RAD17: variants seen among roughly 807,000 people sequenced by gnomAD.
The protein encoded by RAD17 is cell cycle checkpoint protein RAD17.
In RAD17, 31 loss-of-function variants were observed where a neutral mutation model predicts 81.5. The ratio of observed to expected loss-of-function variants is 0.38; its 90% CI spans 0.29 to 0.51. RAD17 has a LOEUF of 0.51. Ranked by LOEUF, RAD17 falls within the 20% of genes least tolerant of loss-of-function variation. The pLI is 0.88. For synonymous variants in RAD17, 261 were observed against 266.2 expected, an observed-to-expected ratio of 0.98 and a Z score of 0.19; for missense variants, 681 against 781.2, an observed-to-expected ratio of 0.87 and a Z score of 1.53.
At chr5:69,387,286 T>C (rs751036799) in intron 11 of RAD17, among the ~76,000 whole-genome samples, 2 of 151,968 alleles carry the variant, frequency 1.3e-5, no homozygotes, top group Non-Finnish European at 1.5e-5. Flanking sequence ...TAAAAAAAAA[T>C]TGATGGACCT....
Position 69,414,315 on chromosome 5 carries a change from G to A in RAD17, c.*23G>A. 1 of 1,605,894 alleles carries A rather than the reference G, an allele frequency of 6.2e-7. No individual in the cohort carries two copies. ...TAGAAGCCAGCCTGCTAATCAGATT[G>A]CTACTTCACAGCTTCATTTTTGTTT... On this transcript the variant is annotated 3_prime_UTR_variant, in exon 19 of 19. Coordinates refer to ENST00000354868, the MANE Select transcript of RAD17 (RefSeq NM_133338.3).
intron 17 of RAD17, among the ~76,000 whole-genome samples, chr5:69,406,260 A>C (rs902504491): frequency 6.6e-6 from 1 of 152,140 alleles, no homozygotes; most frequent in African/African-American, 2.4e-5. Flanking sequence ...AACCTGGAAG[A>C]CCTTATTTGA....
At chr5:69,369,344 G>T, upstream of RAD17, 1 of 1,110,318 alleles carries the variant, frequency 9.0e-7, no homozygotes, top group Non-Finnish European at 1.2e-6. Flanking sequence ...ACCGCCTCGT[G>T]GCCCTCGGCC....
chr5:69,376,903 G>C (rs568601814), intron 6 of RAD17, among the ~76,000 whole-genome samples: 31 of 152,094 alleles, frequency 2.0e-4, no homozygotes, highest in African/African-American at 7.2e-4. Flanking sequence ...ACAGGCATGC[G>C]CCACCACACG....
intron 6 of RAD17, among the ~76,000 whole-genome samples, chr5:69,380,887 T>A (rs1280910715): frequency 6.6e-6 from 1 of 151,642 alleles, no homozygotes; most frequent in African/African-American, 2.4e-5. Context: ...CACCTCAGCC[T>A]CCTGACCAGC....
intron 4 of RAD17, 105 bp downstream of exon 4, chr5:69,372,322 CGTAAA>C: frequency 9.1e-7 from 1 of 1,095,220 alleles, no homozygotes; most frequent in African/African-American, 1.6e-5. Context: ...ACTTAGCATT[CGTAAA>C]GTATTTATAA....
chr5:69,402,529 C>T (rs1048372183), intron 17 of RAD17, among the ~76,000 whole-genome samples: 24 of 151,994 alleles, frequency 1.6e-4, no homozygotes, highest in African/African-American at 5.5e-4. Context: ...GTGGCAGGTG[C>T]CTGTAGTCCC....
upstream of RAD17, chr5:69,369,582 CGGCCCCAAA>C (rs1322609339): frequency 1.2e-6 from 2 of 1,602,688 alleles, no homozygotes; most frequent in Non-Finnish European, 1.7e-6. Flanking sequence ...CAAAAGCCCA[CGGCCCCAAA>C]GGCCCCGAAG....
chr5:69,391,884 G>T lies in RAD17; in HGVS notation c.1060G>T (p.Val354Leu). The change falls in exon 13 of 19, where the codon GTG (valine) becomes TTG (leucine). Residue 354 changes from valine to leucine, a missense_variant. Transcript: ENST00000354868. ...KKGMSLKSDA[V>L]LSKSKRRKKP... ...AGGAATGTCTTTAAAATCAGATGCT[G>T]TGCTGTCAAAATCAAAACGAAGAAA... The T allele has an allele frequency of 6.3e-7, 1 of 1,594,360 alleles. No individual in the cohort carries two copies. The highest frequency in any genetic ancestry group is 8.5e-7 in the Non-Finnish European group (1 of 1,173,724).
upstream of RAD17, chr5:69,369,795 G>T: frequency 7.7e-7 from 1 of 1,301,988 alleles, no homozygotes; most frequent in Non-Finnish European, 1.1e-6. Context: ...GCGCCGACCA[G>T]TCTGGAAGGT....
At chr5:69,396,619 G>T in intron 16 of RAD17, 73 bp downstream of exon 16, 1 of 1,336,098 alleles carries the variant, frequency 7.5e-7, no homozygotes, top group Non-Finnish European at 9.8e-7. Context: ...ACTCAAAGCA[G>T]TTATTTTCTT....
intron 18 of RAD17, among the ~76,000 whole-genome samples, chr5:69,411,576 A>T (rs1316732006): frequency 6.6e-6 from 1 of 152,086 alleles, no homozygotes; most frequent in Non-Finnish European, 1.5e-5. Context: ...AGATTCATTA[A>T]GGCCTTTGTA....
intron 6 of RAD17, among the ~76,000 whole-genome samples, chr5:69,377,474 TACAC>T (rs1284487463): frequency 9.8e-5 from 1 of 10,180 alleles, no homozygotes; most frequent in Non-Finnish European, 3.9e-4. Flanking sequence ...TATATATATA[TACAC>T]ACACACACAT....
chr5:69,414,419 G>GT lies in RAD17; in HGVS notation c.*128dup. ...AGTTTGTTAATTCTTCATTCTTGTA[G>GT]TATTTCATCACAAGAAACCTACTCT... On this transcript the variant is annotated 3_prime_UTR_variant, in exon 19 of 19. Coordinates refer to ENST00000354868, the MANE Select transcript of RAD17 (RefSeq NM_133338.3). 9.2e-7 allele frequency: 1 copy of GT among 1,089,782 alleles called. No individual in the cohort carries two copies. The highest frequency in any genetic ancestry group is 1.3e-6 in the Non-Finnish European group (1 of 770,148). The allele number at this position is 1,089,782 out of a possible 1,614,324, so 67.5% of individuals were successfully genotyped here. A position where few individuals can be genotyped will look rare whatever the true frequency, so the allele number is the denominator to read the frequency against.
chr5:69,405,776 T>G (rs1765562096), intron 17 of RAD17, among the ~76,000 whole-genome samples: 1 of 151,890 alleles, frequency 6.6e-6, no homozygotes, highest in African/African-American at 2.4e-5. Context: ...GTGCAGTGGC[T>G]CATGCCTGTA....
Position 69,375,423 on chromosome 5 carries a change from C to T in RAD17, c.351+712C>T, listed in dbSNP as rs1437469858. ...TTTCACTTCCTTACTGCACAATTAC[C>T]TTGAACCCCCAAGGTAGAATATTCT... On this transcript the variant is annotated intron_variant, in intron 6 of 18. Transcript: ENST00000354868. Among the ~76,000 whole-genome samples, 5 of 152,156 alleles carry T rather than the reference C, an allele frequency of 3.3e-5. No individual in the cohort carries two copies. The East Asian group carries it at 9.6e-4, about 29-fold the overall frequency.
At chr5:69,409,253 A>G (rs1002883569) in intron 17 of RAD17, among the ~76,000 whole-genome samples, 1 of 152,092 alleles carries the variant, frequency 6.6e-6, no homozygotes, top group African/African-American at 2.4e-5. Flanking sequence ...AGCTGGGGTA[A>G]GGGAGACTGC....
chr5:69,414,247 G>C lies in RAD17; in HGVS notation c.1968G>C (p.Met656Ile), dbSNP rs1347324380. The C allele has an allele frequency of 1.2e-6, 2 of 1,614,102 alleles. No individual in the cohort carries two copies. The highest frequency in any genetic ancestry group is 1.7e-6 in the Non-Finnish European group (2 of 1,179,980). The change falls in exon 19 of 19, where the codon ATG becomes ATC. Residue 656 changes from methionine (M) to isoleucine (I), a missense_variant. Met to Ile is a conservative substitution (Grantham distance 10, BLOSUM62 1). Coordinates refer to ENST00000354868, the MANE Select transcript of RAD17 (RefSeq NM_133338.3). The stretch of plus-strand genomic sequence containing the variant: ...AGCCCTTTTCAGCCCAAGGAGACAT[G>C]GAAGAAAACATAATAATAGAAGACT... ...QPQPFSAQGD[M>I]EENIIIEDYE...
Position 69,414,538 on chromosome 5 carries a change from G to A in RAD17, c.*246G>A. ...CTGTGAGTGGTTTAAGGAGCGGTCAGTGTGTATAAAGTGTGTTTGAACATT... is the reference window on the plus strand; with the variant it reads ...CTGTGAGTGGTTTAAGGAGCGGTCAATGTGTATAAAGTGTGTTTGAACATT... On this transcript the variant is annotated 3_prime_UTR_variant, in exon 19 of 19. Coordinates refer to ENST00000354868, the MANE Select transcript of RAD17 (RefSeq NM_133338.3). 1.8e-6 allele frequency: 1 copy of A among 568,514 alleles called. No individual in the cohort carries two copies. Among genetic ancestry groups the A allele is most frequent in the Non-Finnish European group, 3.1e-6 (1 of 323,264 alleles). 35.2% of individuals were successfully genotyped at this position (568,514 alleles called of 1,614,324 possible).
Sources: gnomAD v4.1 joint callset for allele counts (sites outside exome capture counted in the v4.1 genomes callset) on GRCh38, gnomAD v4.1.1 for gene constraint, MANE v1.5 for transcripts, NCBI Gene and HGNC (gene_info 2026-07-23, HGNC 2026-07-21) for gene names.